Variants in CADM2 observed in about 807,000 individuals in gnomAD.
CADM2 encodes the protein immunoglobulin superfamily member 4D.
A neutral mutation model predicts 49.8 loss-of-function variants in CADM2; 12 were observed. That is an observed-to-expected ratio of 0.24 (90% CI 0.15 to 0.39). The LOEUF is 0.39. CADM2 is among the 10% of genes least tolerant of loss of function. CADM2 has a pLI of 1.00. For missense variants in CADM2, 378 were observed against 492.3 expected, an observed-to-expected ratio of 0.77 and a Z score of 2.20; for synonymous variants, 214 against 175.4, an observed-to-expected ratio of 1.22 and a Z score of -1.74.
rs568953520 is a variant in CADM2 at position 86,069,355 on chromosome 3, T to C, written c.*2572T>C. The C allele has an allele frequency of 6.6e-6, 1 of 152,146 alleles. No individual in the cohort carries two copies. The highest frequency in any genetic ancestry group is 2.1e-4 in the South Asian group (1 of 4,830). 9.4% of individuals were successfully genotyped at this position (152,146 alleles called of 1,614,324 possible). On this transcript the variant is annotated 3_prime_UTR_variant, in exon 10 of 10. Transcript: ENST00000383699. Reference sequence around the variant, plus strand: ...AACAACTAGATTATTATACTAGTTATAAATGCTGGTATATTATAATTTGTG... The same window carrying C: ...AACAACTAGATTATTATACTAGTTACAAATGCTGGTATATTATAATTTGTG...
At chr3:86,034,754 T>C (rs998826805) in intron 8 of CADM2, among the ~76,000 whole-genome samples, 1 of 152,058 alleles carries the variant, frequency 6.6e-6, no homozygotes, top group African/African-American at 2.4e-5. Flanking sequence ...ACTCAATATG[T>C]CCTAAATCAA....
intron 1 of CADM2, among the ~76,000 whole-genome samples, chr3:85,473,020 T>A (rs1559857955): frequency 6.6e-6 from 1 of 152,084 alleles, no homozygotes; most frequent in Non-Finnish European, 1.5e-5. Context: ...CATATATATG[T>A]AATGAATATG....
intron 1 of CADM2, among the ~76,000 whole-genome samples, chr3:85,229,335 G>A (rs1239488427): frequency 6.6e-6 from 1 of 152,148 alleles, no homozygotes; most frequent in African/African-American, 2.4e-5. Context: ...CAGTATCTGG[G>A]CAGGATCCTA....
intron 1 of CADM2, among the ~76,000 whole-genome samples, chr3:84,978,974 T>A (rs1456060781): frequency 6.6e-6 from 1 of 152,166 alleles, no homozygotes; most frequent in Non-Finnish European, 1.5e-5. Context: ...AGAATTAAAG[T>A]TCTGATTGTG....
chr3:85,407,865 C>A (rs1322635341), intron 1 of CADM2, among the ~76,000 whole-genome samples: 1 of 151,760 alleles, frequency 6.6e-6, no homozygotes, highest in Non-Finnish European at 1.5e-5. Flanking sequence ...AAAAACTAGC[C>A]TGGCATGATG....
intron 3 of CADM2, among the ~76,000 whole-genome samples, chr3:85,831,966 C>A (rs1368670064): frequency 6.6e-6 from 1 of 151,860 alleles, no homozygotes; most frequent in Non-Finnish European, 1.5e-5. Flanking sequence ...GCTTTACATT[C>A]AAATCTTCAG....
intron 1 of CADM2, among the ~76,000 whole-genome samples, chr3:85,042,995 A>G (rs1451126932): frequency 6.6e-6 from 1 of 152,144 alleles, no homozygotes; most frequent in East Asian, 1.9e-4. Flanking sequence ...CTTTTTAGAC[A>G]AAGAAATGGT....
At chr3:85,989,325 T>A (rs1409188653) in intron 8 of CADM2, among the ~76,000 whole-genome samples, 1 of 152,136 alleles carries the variant, frequency 6.6e-6, no homozygotes, top group Non-Finnish European at 1.5e-5. Context: ...GAAGTTATCC[T>A]AAGCAAAGAA....
rs190949112 is a variant in CADM2 at position 85,721,000 on chromosome 3, G to A, written c.62-5522G>A. ...TAATAGCTAATGGTTACTACATTTCGACGCAGTAGATTTTAAAATATATAT... is the reference window on the plus strand; with the variant it reads ...TAATAGCTAATGGTTACTACATTTCAACGCAGTAGATTTTAAAATATATAT... On this transcript the variant is annotated intron_variant, in intron 1 of 9. Transcript: ENST00000383699. Among the ~76,000 whole-genome samples the A allele has an allele frequency of 7.9e-5, 12 of 152,226 alleles. No individual in the cohort carries two copies. The South Asian group carries it at 1.0e-3, about 13-fold the overall frequency.
chr3:85,142,517 C>T (rs76665010), intron 1 of CADM2, among the ~76,000 whole-genome samples: 12,553 of 152,158 alleles, frequency 0.082, 1,057 homozygotes, highest in Admixed American at 0.25. Flanking sequence ...CCTCCATCCT[C>T]ATTGCTTACA....
chr3:85,197,046 C>T (rs181226159), intron 1 of CADM2, among the ~76,000 whole-genome samples: 1 of 152,022 alleles, frequency 6.6e-6, no homozygotes, highest in Non-Finnish European at 1.5e-5. Flanking sequence ...TTTAGGACAA[C>T]CATTATCAGT....
At chr3:85,286,056 G>C (rs1456803410) in intron 1 of CADM2, among the ~76,000 whole-genome samples, 1 of 152,056 alleles carries the variant, frequency 6.6e-6, no homozygotes, top group Non-Finnish European at 1.5e-5. Context: ...GAAACAAACT[G>C]CTAAATTTCT....
chr3:85,576,258 G>A (rs2062630510), intron 1 of CADM2, among the ~76,000 whole-genome samples: 1 of 152,136 alleles, frequency 6.6e-6, no homozygotes, highest in Non-Finnish European at 1.5e-5. Flanking sequence ...GCCTGAAAGA[G>A]GTAGGCAAGG....
intron 1 of CADM2, among the ~76,000 whole-genome samples, chr3:85,265,283 T>G (rs773465405): frequency 6.6e-6 from 1 of 151,660 alleles, no homozygotes; most frequent in Non-Finnish European, 1.5e-5. Context: ...TAATTGTGAA[T>G]GTACTATCAA....
At chr3:85,150,137 A>AT (rs2039877692) in intron 1 of CADM2, among the ~76,000 whole-genome samples, 1 of 152,208 alleles carries the variant, frequency 6.6e-6, no homozygotes, top group Non-Finnish European at 1.5e-5. Context: ...TGAGAGTTAT[A>AT]TTTGAATTTG....
intron 5 of CADM2, 43 bp downstream of exon 5, chr3:85,886,370 C>T (rs750023046): frequency 1.4e-6 from 2 of 1,443,588 alleles, no homozygotes; most frequent in Non-Finnish European, 1.9e-6. Context: ...TGTGCTGAAA[C>T]CAGTATGACA....
chr3:85,273,526 A>G (rs970395419), intron 1 of CADM2, among the ~76,000 whole-genome samples: 17 of 151,328 alleles, frequency 1.1e-4, no homozygotes, highest in African/African-American at 3.6e-4. Context: ...ATATGCTGCA[A>G]TAGGATTTGC....
intron 1 of CADM2, among the ~76,000 whole-genome samples, chr3:85,236,188 A>G (rs2042403462): frequency 6.6e-6 from 1 of 152,054 alleles, no homozygotes; most frequent in South Asian, 2.1e-4. Context: ...TTCTCTTGCT[A>G]GTCCTTTCCA....
chr3:85,467,965 T>C (rs2038579367), intron 1 of CADM2, among the ~76,000 whole-genome samples: 1 of 151,656 alleles, frequency 6.6e-6, no homozygotes, highest in Admixed American at 6.6e-5. Context: ...CCATCCCGGC[T>C]AAAACGGTGA....
Sources: allele counts gnomAD v4.1 joint callset (sites outside exome capture counted in the v4.1 genomes callset), GRCh38; gene constraint gnomAD v4.1.1; transcripts MANE v1.5; gene names NCBI Gene and HGNC (gene_info 2026-07-23, HGNC 2026-07-21).